The following KANSL1 variants were observed in gnomAD, a reference collection of about 807,000 sequenced individuals.
KANSL1 encodes the protein MLL1/MLL complex subunit KANSL1.
A neutral mutation model predicts 103.6 loss-of-function variants in KANSL1; 22 were observed. The ratio of observed to expected loss-of-function variants is 0.21; its 90% CI spans 0.15 to 0.30. KANSL1 has a LOEUF of 0.30. KANSL1 is among the 10% of genes least tolerant of loss of function. The pLI, the probability that KANSL1 is intolerant of heterozygous loss-of-function variation, is 1.00. For missense variants in KANSL1, 1,337 were observed against 1,399.8 expected, an observed-to-expected ratio of 0.96 and a Z score of 0.72; for synonymous variants, 600 against 527.6, an observed-to-expected ratio of 1.14 and a Z score of -1.88.
chr17:46,048,716 T>C lies in KANSL1; in HGVS notation c.2020+1817A>G, dbSNP rs184788421. Among the ~76,000 whole-genome samples, 13 of 152,322 alleles carry C rather than the reference T, an allele frequency of 8.5e-5. No individual in the cohort carries two copies. In the East Asian group the frequency reaches 1.7e-3, roughly 20 times the overall value. ...AAGCGCTGGCTTCCATCTAGAATAG[T>C]GGTTTCAAAATGTCTTTGCTCATGC... On this transcript the variant is annotated intron_variant, in intron 7 of 14. Transcript: ENST00000432791.
chr17:46,040,054 A>G, intron 7 of KANSL1, 170 bp from the exon 8 acceptor site: 1 of 531,060 alleles, frequency 1.9e-6, no homozygotes, highest in Non-Finnish European at 3.3e-6. Context: ...TCATTCTTCT[A>G]TTTGCAAGCA....
intron 2 of KANSL1, among the ~76,000 whole-genome samples, chr17:46,149,131 T>C (rs948534703): frequency 2.6e-5 from 4 of 152,066 alleles, no homozygotes; most frequent in African/African-American, 9.7e-5. Flanking sequence ...GCCTCCCAAG[T>C]AGCTGGGACT....
intron 3 of KANSL1, among the ~76,000 whole-genome samples, chr17:46,089,504 G>C (rs1281276728): frequency 1.4e-5 from 2 of 146,084 alleles, no homozygotes; most frequent in Non-Finnish European, 3.0e-5. Flanking sequence ...TCTCCCACCC[G>C]AAGACAAATT....
Position 46,171,549 on chromosome 17 carries a change from C to T in KANSL1, c.595G>A (p.Gly199Arg). The change falls in exon 2 of 15, where the codon GGG (glycine) becomes AGG (arginine). Residue 199 changes from glycine to arginine, a missense_variant. By Grantham distance (125) the Gly-to-Arg change is moderately radical (BLOSUM62 -2). Coordinates refer to ENST00000432791, the MANE Select transcript of KANSL1 (RefSeq NM_015443.4). ...HGGEMGGSES[G>R]DLKGGMTNCT... ...TTGGTCATACCCCCCTTCAAGTCCC[C>T]AGATTCAGATCCTCCCATTTCACCC... 1.2e-6 allele frequency: 2 copies of T among 1,611,116 alleles called. No homozygotes were observed. The highest frequency in any genetic ancestry group is 1.7e-6 in the Non-Finnish European group (2 of 1,178,588).
intron 6 of KANSL1, among the ~76,000 whole-genome samples, chr17:46,064,061 A>AAC (rs1433227144): frequency 7.6e-6 from 1 of 131,844 alleles, no homozygotes; most frequent in Non-Finnish European, 1.8e-5. Context: ...AGTAAAAAAA[A>AAC]AAAAAAAAAA....
intron 1 of KANSL1, among the ~76,000 whole-genome samples, chr17:46,173,054 T>C (rs2046362221): frequency 6.6e-6 from 1 of 152,244 alleles, no homozygotes. Context: ...AGTAATCTTA[T>C]TATCAAATCC....
chr17:46,147,022 C>T (rs1397819497), intron 2 of KANSL1, among the ~76,000 whole-genome samples: 1 of 151,836 alleles, frequency 6.6e-6, no homozygotes. Flanking sequence ...AGTGAGACTC[C>T]ATCACTAAAA....
At chr17:46,208,411 A>G (rs79271294) in intron 1 of KANSL1, among the ~76,000 whole-genome samples, 1,981 of 152,136 alleles carry the variant, frequency 0.013, 49 homozygotes, top group African/African-American at 0.045. Flanking sequence ...CAGGAATTCA[A>G]TATCAGCCTG....
chr17:46,178,600 C>T (rs2046640014), intron 1 of KANSL1, among the ~76,000 whole-genome samples: 1 of 152,204 alleles, frequency 6.6e-6, no homozygotes, highest in Admixed American at 6.5e-5. Flanking sequence ...TATTCAAGGT[C>T]ATTTAGCTAT....
chr17:46,033,305 A>G, intron 12 of KANSL1, 98 bp downstream of exon 12: 1 of 1,448,986 alleles, frequency 6.9e-7, no homozygotes, highest in Non-Finnish European at 9.6e-7. Context: ...CTTGCACTTC[A>G]CACCCACAAG....
At chr17:46,108,312 C>G (rs900816059) in intron 2 of KANSL1, among the ~76,000 whole-genome samples, 2 of 152,176 alleles carry the variant, frequency 1.3e-5, no homozygotes, top group African/African-American at 4.8e-5. Context: ...GTTAGGCAAG[C>G]TGTCACCCAC....
In KANSL1 at chr17:46,093,799, G is replaced by A. The variant is rs2146939999; in HGVS notation, c.1431+761C>T. ...TAAAGATAGAGCTCAGCCACACCAA[G>A]CTAATATAAAAAATACTTTGCAAGA... On this transcript the variant is annotated intron_variant, in intron 3 of 14. Transcript: ENST00000432791. 3 of 152,246 alleles carry A rather than the reference G, an allele frequency of 2.0e-5. No homozygotes were observed. In the South Asian group the frequency reaches 6.2e-4, roughly 32 times the overall value. 9.4% of individuals were successfully genotyped at this position (152,246 alleles called of 1,614,324 possible).
At chr17:46,097,093 A>ACTGGAGGAGAGT (rs2042119845) in intron 2 of KANSL1, among the ~76,000 whole-genome samples, 1 of 152,264 alleles carries the variant, frequency 6.6e-6, no homozygotes, top group Non-Finnish European at 1.5e-5. Flanking sequence ...AAACAGGTTC[A>ACTGGAGGAGAGT]CTGGAGGAGA....
intron 1 of KANSL1, among the ~76,000 whole-genome samples, chr17:46,203,637 T>C (rs2047874179): frequency 1.3e-5 from 2 of 152,206 alleles, no homozygotes; most frequent in African/African-American, 2.4e-5. Flanking sequence ...CAGAGAACAA[T>C]GAAAAAATTT....
At chr17:46,055,753 A>G (rs1039125879) in intron 6 of KANSL1, among the ~76,000 whole-genome samples, 1 of 152,224 alleles carries the variant, frequency 6.6e-6, no homozygotes, top group Admixed American at 6.5e-5. Context: ...TTATAGTTAC[A>G]GTAATTAAAA....
chr17:46,221,587 TCTTC>T (rs1397617962), intron 1 of KANSL1: 1 of 147,656 alleles, frequency 6.8e-6, no homozygotes, highest in Non-Finnish European at 1.5e-5. Flanking sequence ...TTGGAGTTAT[TCTTC>T]CTTGTTACTT....
At chr17:46,135,830 C>CTATA (rs1186955031) in intron 2 of KANSL1, among the ~76,000 whole-genome samples, 1 of 151,602 alleles carries the variant, frequency 6.6e-6, no homozygotes, top group East Asian at 1.9e-4. Context: ...TGCACCTGGC[C>CTATA]TATATTGCTA....
chr17:46,144,113 A>C (rs1238574461), intron 2 of KANSL1, among the ~76,000 whole-genome samples: 1 of 152,214 alleles, frequency 6.6e-6, no homozygotes, highest in African/African-American at 2.4e-5. Context: ...AAAAATTATA[A>C]TTAGGTCAAG....
chr17:46,168,667 T>C (rs985277532), intron 2 of KANSL1, among the ~76,000 whole-genome samples: 11 of 152,202 alleles, frequency 7.2e-5, no homozygotes, highest in South Asian at 2.1e-4. Flanking sequence ...ACAATTACAA[T>C]GTGCAAAAAG....
Sources: gnomAD v4.1 joint callset for allele counts (sites outside exome capture counted in the v4.1 genomes callset) on GRCh38, gnomAD v4.1.1 for gene constraint, MANE v1.5 for transcripts, NCBI Gene and HGNC (gene_info 2026-07-23, HGNC 2026-07-21) for gene names.